Variants in FAF1 observed in about 807,000 individuals in gnomAD.
FAF1 encodes FAS-associated factor 1.
Under a neutral mutation model 92.5 loss-of-function variants are expected in FAF1, and 25 were observed. The ratio of observed to expected loss-of-function variants is 0.27; its 90% CI spans 0.20 to 0.38. The LOEUF (loss-of-function observed/expected upper bound fraction) is 0.38. Among genes scored for constraint, FAF1 ranks in the 10% least tolerant of loss-of-function variants. FAF1 has a pLI of 1.00. For synonymous variants in FAF1, 234 were observed against 273.2 expected, an observed-to-expected ratio of 0.86 and a Z score of 1.42; for missense variants, 636 against 793.3, an observed-to-expected ratio of 0.80 and a Z score of 2.38.
intron 14 of FAF1, among the ~76,000 whole-genome samples, chr1:50,537,594 CAAT>C (rs773488537): frequency 6.6e-6 from 1 of 151,936 alleles, no homozygotes; most frequent in Non-Finnish European, 1.5e-5. Context: ...TTAAAAGTAA[CAAT>C]AATAAACCCA....
chr1:50,746,431 G>A (rs1025525341), intron 4 of FAF1, among the ~76,000 whole-genome samples: 8 of 146,848 alleles, frequency 5.4e-5, no homozygotes, highest in Non-Finnish European at 8.9e-5. Context: ...AGCCTCCCAA[G>A]TAGCTGGGAT....
At chr1:50,816,205 C>CTTTT (rs1167616418) in intron 2 of FAF1, among the ~76,000 whole-genome samples, 1 of 106,682 alleles carries the variant, frequency 9.4e-6, no homozygotes, top group Non-Finnish European at 2.0e-5. Flanking sequence ...TTTCCTTTTT[C>CTTTT]TTTTTTTTTT....
At chr1:50,485,359 A>G (rs1052050445) in intron 17 of FAF1, among the ~76,000 whole-genome samples, 1 of 152,020 alleles carries the variant, frequency 6.6e-6, no homozygotes. Context: ...CTGTTTGCAC[A>G]CTGCTACAAA....
At chr1:50,478,952 T>C (rs1201486663) in intron 17 of FAF1, among the ~76,000 whole-genome samples, 1 of 152,242 alleles carries the variant, frequency 6.6e-6, no homozygotes, top group Non-Finnish European at 1.5e-5. Context: ...TCAACATATC[T>C]GTAAAACTAC....
intron 15 of FAF1, among the ~76,000 whole-genome samples, chr1:50,492,953 T>C (rs375367365): frequency 2.0e-5 from 3 of 152,186 alleles, no homozygotes; most frequent in South Asian, 2.1e-4. Context: ...CTGAAGGTAA[T>C]TGTTATACTA....
intron 8 of FAF1, among the ~76,000 whole-genome samples, chr1:50,620,679 C>A (rs1653153106): frequency 6.6e-6 from 1 of 152,200 alleles, no homozygotes; most frequent in South Asian, 2.1e-4. Flanking sequence ...TGGGTGAATT[C>A]TTGCACTTGG....
intron 18 of FAF1, among the ~76,000 whole-genome samples, chr1:50,452,832 G>A (rs1646309686): frequency 6.6e-6 from 1 of 152,194 alleles, no homozygotes; most frequent in Non-Finnish European, 1.5e-5. Context: ...GTGCTCTTGA[G>A]TAAGTCATTT....
At chr1:50,551,172 C>T (rs1572827313) in intron 13 of FAF1, among the ~76,000 whole-genome samples, 1 of 151,912 alleles carries the variant, frequency 6.6e-6, no homozygotes, top group African/African-American at 2.4e-5. Context: ...TTACGTATAG[C>T]TATTATGTCA....
chr1:50,559,411 T>C (rs1016309037), intron 13 of FAF1, among the ~76,000 whole-genome samples: 1 of 152,216 alleles, frequency 6.6e-6, no homozygotes, highest in Non-Finnish European at 1.5e-5. Context: ...TAGGAAACTA[T>C]TCACAAGTGT....
intron 17 of FAF1, among the ~76,000 whole-genome samples, chr1:50,479,297 C>T (rs183120152): frequency 6.6e-6 from 1 of 152,324 alleles, no homozygotes; most frequent in Non-Finnish European, 1.5e-5. Flanking sequence ...CTAGTCAGTT[C>T]TGATGAGAGA....
chr1:50,806,133 A>G (rs1042155749), intron 2 of FAF1, among the ~76,000 whole-genome samples: 4 of 152,198 alleles, frequency 2.6e-5, no homozygotes, highest in Non-Finnish European at 2.9e-5. Context: ...AGATAGATTT[A>G]TATTAAAAAT....
At chr1:50,746,985 C>G (rs1311112287) in intron 4 of FAF1, among the ~76,000 whole-genome samples, 1 of 152,170 alleles carries the variant, frequency 6.6e-6, no homozygotes, top group Non-Finnish European at 1.5e-5. Context: ...TGCAGGTGCA[C>G]AGAATGCAAG....
chr1:50,643,218 T>G (rs1423786870), intron 8 of FAF1, among the ~76,000 whole-genome samples: 1 of 152,234 alleles, frequency 6.6e-6, no homozygotes, highest in Non-Finnish European at 1.5e-5. Flanking sequence ...TTTCTTTCTT[T>G]TGTGGCTGCT....
chr1:50,835,137 G>A (rs79560897), intron 2 of FAF1, among the ~76,000 whole-genome samples: 1 of 152,290 alleles, frequency 6.6e-6, no homozygotes, highest in African/African-American at 2.4e-5. Flanking sequence ...TGGATTATAT[G>A]AAGTGCTTTA....
At chr1:50,559,264 A>G (rs78848672) in intron 13 of FAF1, among the ~76,000 whole-genome samples, 1 of 152,230 alleles carries the variant, frequency 6.6e-6, no homozygotes, top group East Asian at 1.9e-4. Flanking sequence ...AAAAAAAAAA[A>G]GGATAATCTG....
intron 13 of FAF1, among the ~76,000 whole-genome samples, chr1:50,541,156 T>C (rs757578387): frequency 1.3e-5 from 2 of 152,204 alleles, no homozygotes; most frequent in African/African-American, 2.4e-5. Context: ...CTATAGAAAT[T>C]CATCTCAGAA....
chr1:50,721,897 T>C (rs1361184349), intron 6 of FAF1, among the ~76,000 whole-genome samples: 2 of 152,146 alleles, frequency 1.3e-5, no homozygotes, highest in African/African-American at 2.4e-5. Context: ...GTGTTGAGAT[T>C]ACAGTAGGAA....
At chr1:50,622,897 T>C (rs750859582) in intron 8 of FAF1, among the ~76,000 whole-genome samples, 40 of 152,166 alleles carry the variant, frequency 2.6e-4, no homozygotes, top group Non-Finnish European at 5.4e-4. Context: ...GAGAGGTAGC[T>C]TGAAGTTTCT....
intron 8 of FAF1, among the ~76,000 whole-genome samples, chr1:50,626,760 G>GT (rs1398111200): frequency 6.6e-6 from 1 of 152,106 alleles, no homozygotes; most frequent in East Asian, 1.9e-4. Context: ...TTGAGGGGAA[G>GT]TGAGAGTAAA....
Sources: allele counts gnomAD v4.1 joint callset (sites outside exome capture counted in the v4.1 genomes callset), GRCh38; gene constraint gnomAD v4.1.1; transcripts MANE v1.5; gene names NCBI Gene and HGNC (gene_info 2026-07-23, HGNC 2026-07-21).